The following CACNB4 variants were observed in gnomAD, a reference collection of about 807,000 sequenced individuals.
CACNB4 encodes the protein calcium voltage-gated channel auxiliary subunit beta 4.
A neutral mutation model predicts 71.2 loss-of-function variants in CACNB4; 32 were observed. The observed-to-expected ratio is 0.45, with a 90% CI of 0.34 to 0.60. The LOEUF (loss-of-function observed/expected upper bound fraction) is 0.60, where lower values mean the gene tolerates loss of function less well. CACNB4 is among the 20% of genes least tolerant of loss of function. The pLI is 0.01. For missense variants in CACNB4, 464 were observed against 647.9 expected (o/e 0.72, Z 3.08); for synonymous variants, 231 against 236.9 (o/e 0.97, Z 0.23).
chr2:151,900,287 T>TA (rs1200257459), intron 2 of CACNB4, among the ~76,000 whole-genome samples: 1 of 152,120 alleles, frequency 6.6e-6, no homozygotes, highest in Non-Finnish European at 1.5e-5. Context: ...CTATGTCATT[T>TA]AAAAAAAGAA....
At chr2:152,039,754 G>C (rs1019959138) in intron 2 of CACNB4, among the ~76,000 whole-genome samples, 5 of 152,228 alleles carry the variant, frequency 3.3e-5, no homozygotes, top group South Asian at 2.1e-4. Flanking sequence ...TCCAACCCTG[G>C]AAAAGTAGAG....
At chr2:151,845,247 C>G (rs1264072375) in intron 12 of CACNB4, among the ~76,000 whole-genome samples, 1 of 152,180 alleles carries the variant, frequency 6.6e-6, no homozygotes, top group East Asian at 1.9e-4. Flanking sequence ...TAGGAAACTG[C>G]TTTTGCACTG....
intron 5 of CACNB4, among the ~76,000 whole-genome samples, chr2:151,874,724 G>A (rs554270485): frequency 6.6e-6 from 1 of 152,298 alleles, no homozygotes; most frequent in South Asian, 2.1e-4. Context: ...AGAAAGAGCT[G>A]CTTCTATTTT....
At chr2:151,983,994 A>T (rs1044220794) in intron 2 of CACNB4, among the ~76,000 whole-genome samples, 1 of 152,206 alleles carries the variant, frequency 6.6e-6, no homozygotes, top group Non-Finnish European at 1.5e-5. Flanking sequence ...ATTAGTTTTA[A>T]AAAAATTATT....
At chr2:151,948,051 C>G (rs2099866025) in intron 2 of CACNB4, among the ~76,000 whole-genome samples, 1 of 152,090 alleles carries the variant, frequency 6.6e-6, no homozygotes, top group African/African-American at 2.4e-5. Flanking sequence ...ATGCATAAGG[C>G]AATGTGGGTA....
Position 151,954,187 on chromosome 2 carries a change from C to T in CACNB4, c.148-70817G>A, listed in dbSNP as rs181911518. On this transcript the variant is annotated intron_variant, in intron 2 of 13. Coordinates refer to ENST00000539935, the MANE Select transcript of CACNB4 (RefSeq NM_000726.5). ...ATAATGTACACTCTGCCTCTCCAACCTTCAGCAAGCTCCTCGTTCTAAACC... is the reference window on the plus strand; with the variant it reads ...ATAATGTACACTCTGCCTCTCCAACTTTCAGCAAGCTCCTCGTTCTAAACC... Among the ~76,000 whole-genome samples, 3 of 152,348 alleles carry T rather than the reference C, an allele frequency of 2.0e-5. No homozygotes were observed. The East Asian group carries it at 5.8e-4, about 29-fold the overall frequency.
chr2:151,855,425 C>T (rs1401510208), intron 10 of CACNB4, 50 bp from the exon 11 acceptor site: 5 of 1,355,562 alleles, frequency 3.7e-6, no homozygotes, highest in Admixed American at 3.9e-5. Context: ...TGAATTAGTT[C>T]TTACATTAGA....
intron 2 of CACNB4, among the ~76,000 whole-genome samples, chr2:151,888,683 C>CAT (rs1380279086): frequency 6.6e-6 from 1 of 152,206 alleles, no homozygotes; most frequent in Non-Finnish European, 1.5e-5. Context: ...CTTAGCTGTC[C>CAT]ATTCACAGAA....
intron 2 of CACNB4, among the ~76,000 whole-genome samples, chr2:152,080,672 G>A (rs1229289212): frequency 1.3e-5 from 2 of 152,000 alleles, no homozygotes; most frequent in Admixed American, 6.6e-5. Flanking sequence ...TCAGTTCATT[G>A]TATTCACCTA....
At chr2:152,023,621 G>T (rs1270213195) in intron 2 of CACNB4, among the ~76,000 whole-genome samples, 2 of 151,962 alleles carry the variant, frequency 1.3e-5, no homozygotes, top group East Asian at 1.9e-4. Flanking sequence ...TTTAAGTAGA[G>T]ACAGGGTATC....
intron 2 of CACNB4, among the ~76,000 whole-genome samples, chr2:152,006,791 C>A (rs754101520): frequency 2.6e-5 from 4 of 152,158 alleles, no homozygotes; most frequent in Non-Finnish European, 5.9e-5. Flanking sequence ...ATCGTCATGG[C>A]AGCTGAATAT....
At chr2:152,005,134 A>G (rs1203119601) in intron 2 of CACNB4, among the ~76,000 whole-genome samples, 1 of 152,240 alleles carries the variant, frequency 6.6e-6, no homozygotes, top group African/African-American at 2.4e-5. Context: ...AGAACTAAAA[A>G]TAGAACTACC....
chr2:152,060,252 T>C (rs1451402782), intron 2 of CACNB4, among the ~76,000 whole-genome samples: 2 of 152,246 alleles, frequency 1.3e-5, no homozygotes, highest in African/African-American at 2.4e-5. Flanking sequence ...CTTTGGTGTG[T>C]AGTAAAAAGT....
rs1560000761 is a variant in CACNB4, at chr2:151,922,281, C to T, written c.148-38911G>A. Among the ~76,000 whole-genome samples the T allele has an allele frequency of 2.0e-5, 3 of 152,290 alleles. No homozygotes were observed. In the East Asian group the frequency reaches 5.8e-4, roughly 29 times the overall value. The stretch of plus-strand genomic sequence containing the variant: ...TCAATGACATGATCATAGCTCATTG[C>T]AGCCTCATCCTCCTGGGCTCAAGGG... On this transcript the variant is annotated intron_variant, in intron 2 of 13. Transcript: ENST00000539935.
At chr2:151,911,214 G>T (rs6729655) in intron 2 of CACNB4, among the ~76,000 whole-genome samples, 72,760 of 152,010 alleles carry the variant, frequency 0.48, 21,754 homozygotes, top group Non-Finnish European at 0.66. Context: ...GAGGTGATGG[G>T]GTTTCCTACA....
chr2:151,882,584 C>T (rs1057221011), intron 3 of CACNB4, among the ~76,000 whole-genome samples: 5 of 152,072 alleles, frequency 3.3e-5, no homozygotes, highest in African/African-American at 1.2e-4. Flanking sequence ...AAAAAGCAAA[C>T]AAACAAACAA....
At chr2:151,871,838 C>T (rs1301915336) in intron 6 of CACNB4, 3 of 153,214 alleles carry the variant, frequency 2.0e-5, no homozygotes, top group African/African-American at 7.2e-5. Flanking sequence ...AAGAAAAATT[C>T]CTACATGAAT....
At chr2:151,919,065 G>A (rs2099858259) in intron 2 of CACNB4, among the ~76,000 whole-genome samples, 1 of 152,118 alleles carries the variant, frequency 6.6e-6, no homozygotes, top group African/African-American at 2.4e-5. Context: ...TTAGGGGTGA[G>A]CCTTGAACCT....
intron 2 of CACNB4, among the ~76,000 whole-genome samples, chr2:152,093,750 G>A (rs938519841): frequency 3.9e-5 from 6 of 152,172 alleles, no homozygotes; most frequent in African/African-American, 1.4e-4. Context: ...CCAACCACAT[G>A]TGTGAGGCCA....
Sources: gnomAD v4.1 joint callset for allele counts (sites outside exome capture counted in the v4.1 genomes callset) on GRCh38, gnomAD v4.1.1 for gene constraint, MANE v1.5 for transcripts, NCBI Gene and HGNC (gene_info 2026-07-23, HGNC 2026-07-21) for gene names.